CLCN5: variants seen among roughly 807,000 people sequenced by gnomAD.
The protein encoded by CLCN5 is Cl-/H+ antiporter 5.
CLCN5 carries 17 observed loss-of-function variants against 54.0 expected under a neutral mutation model. The observed-to-expected ratio is 0.31, with a 90% CI of 0.22 to 0.47. The LOEUF is 0.47. CLCN5 is among the 20% of genes least tolerant of loss of function. The pLI is 1.00. For synonymous variants in CLCN5, 222 were observed against 233.0 expected, an observed-to-expected ratio of 0.95 and a Z score of 0.43; for missense variants, 448 against 646.7, an observed-to-expected ratio of 0.69 and a Z score of 3.33.
chrX:50,072,042 G>T (rs1476720909), intron 5 of CLCN5, among the ~76,000 whole-genome samples: 1 of 111,555 alleles, frequency 9.0e-6, no homozygotes, highest in Non-Finnish European at 1.9e-5. Context: ...ATGAAGTCTG[G>T]GAATTTGCCT....
intron 12 of CLCN5, among the ~76,000 whole-genome samples, chrX:50,089,610 A>G (rs1205685919): frequency 8.9e-6 from 1 of 112,418 alleles, no homozygotes; most frequent in African/African-American, 3.2e-5. Context: ...CTTGGACTGG[A>G]CATGGTAGCT....
chrX:49,943,586 G>A (rs1926512487), intron 3 of CLCN5, among the ~76,000 whole-genome samples: 1 of 108,108 alleles, frequency 9.3e-6, no homozygotes. Context: ...TGTATAAGGT[G>A]TAAGGAAGGG....
Position 49,932,375 on chromosome X carries a change from C to A in CLCN5, c.16+7061C>A, listed in dbSNP as rs12010584. Among the ~76,000 whole-genome samples, 600 of 112,657 alleles carry A rather than the reference C, an allele frequency of 5.3e-3. 6 individuals are homozygous for A. Among genetic ancestry groups the A allele is most frequent in the African/African-American group, 0.018 (567 of 31,044 alleles). On this transcript the variant is annotated intron_variant, in intron 3 of 14. Transcript: ENST00000376091. ...GATGATGGGATACAGTTACTTTTAT[C>A]TTCCTTTTTTTATACTTTTATTTAC...
intron 4 of CLCN5, among the ~76,000 whole-genome samples, chrX:50,043,572 T>C (rs905422373): frequency 2.7e-5 from 3 of 111,852 alleles, no homozygotes; most frequent in African/African-American, 9.7e-5. Flanking sequence ...CCGTTTCAGT[T>C]TCTTTCTCTG....
At chrX:50,077,617 AGAGAGTGTGTGT>A (rs1245863729) in intron 7 of CLCN5, among the ~76,000 whole-genome samples, 1 of 91,403 alleles carries the variant, frequency 1.1e-5, no homozygotes, top group African/African-American at 4.7e-5. Context: ...AGAGAGAGAG[AGAGAGTGTGTGT>A]GTGTGTGTGT....
At chrX:50,037,553 A>G (rs1457053713) in intron 3 of CLCN5, among the ~76,000 whole-genome samples, 2 of 111,765 alleles carry the variant, frequency 1.8e-5, no homozygotes, top group East Asian at 2.8e-4. Context: ...AGGAATCTAC[A>G]TGGAGTAGTA....
chrX:49,935,047 C>G (rs1407786490), intron 3 of CLCN5, among the ~76,000 whole-genome samples: 2 of 111,781 alleles, frequency 1.8e-5, no homozygotes, highest in Non-Finnish European at 3.8e-5. Context: ...TCCAAATTCT[C>G]AACTCTGTCA....
chrX:49,949,086 A>G (rs782781556), intron 3 of CLCN5, among the ~76,000 whole-genome samples: 12 of 112,436 alleles, frequency 1.1e-4, no homozygotes, highest in African/African-American at 3.9e-4. Flanking sequence ...CAGTCTCTGT[A>G]AAAGCTTAAT....
At chrX:49,927,210 GT>G (rs1489506506) in intron 3 of CLCN5, among the ~76,000 whole-genome samples, 3 of 111,817 alleles carry the variant, frequency 2.7e-5, no homozygotes, top group Non-Finnish European at 3.8e-5. Context: ...TTTCTCTGTA[GT>G]TAATGGAAAT....
intron 3 of CLCN5, among the ~76,000 whole-genome samples, chrX:49,988,529 C>G (rs999571351): frequency 9.0e-6 from 1 of 111,110 alleles, no homozygotes; most frequent in African/African-American, 3.3e-5. Flanking sequence ...TTACCTCCCC[C>G]GGCTCTCTAT....
rs1169963118 is a variant in CLCN5 at position 50,098,180 on chromosome X, A to G, written c.*5961A>G. 8.9e-6 allele frequency: 1 copy of G among 112,173 alleles called. No individual in the cohort carries two copies. The highest frequency in any genetic ancestry group is 1.9e-5 in the Non-Finnish European group (1 of 53,194). The allele number at this position is 112,173 out of a possible 1,213,427, so 9.2% of individuals were successfully genotyped here. On this transcript the variant is annotated 3_prime_UTR_variant, in exon 15 of 15. Coordinates refer to ENST00000376091, the MANE Select transcript of CLCN5 (RefSeq NM_001127898.4). ...CCTTTGGGACTTTGTGATGATTAAG[A>G]ATTTATTCCATTCAGGATTTTAAAA...
At position 49,927,576 on chromosome X, in the gene CLCN5, G is replaced by C. The variant is rs149309024; in HGVS notation, c.16+2262G>C. The stretch of plus-strand genomic sequence containing the variant: ...TGTCACTTGGTAGCTACGAGGCCTT[G>C]GGCAAGTAACTTAATCTCTCTGTGT... On this transcript the variant is annotated intron_variant, in intron 3 of 14. Transcript: ENST00000376091. 1.7e-4 allele frequency among the ~76,000 whole-genome samples: 19 copies of C among 112,092 alleles called. No individual in the cohort carries two copies. The East Asian group carries it at 4.8e-3, about 28-fold the overall frequency.
At chrX:50,057,970 G>A (rs1247086707) in intron 4 of CLCN5, among the ~76,000 whole-genome samples, 1 of 111,092 alleles carries the variant, frequency 9.0e-6, no homozygotes, top group East Asian at 2.9e-4. Flanking sequence ...GAAGTAAGAA[G>A]TGGCATATAA....
intron 3 of CLCN5, among the ~76,000 whole-genome samples, chrX:49,982,542 AAAG>A (rs1557177796): frequency 4.5e-5 from 5 of 111,492 alleles, no homozygotes; most frequent in African/African-American, 1.6e-4. Context: ...GAGAGAGAAA[AAAG>A]AGGAGTATAC....
intron 3 of CLCN5, among the ~76,000 whole-genome samples, chrX:49,977,185 A>G (rs1557177034): frequency 9.0e-6 from 1 of 110,500 alleles, no homozygotes; most frequent in African/African-American, 3.3e-5. Context: ...GGGATTTTAG[A>G]GTGTATCTAT....
intron 3 of CLCN5, among the ~76,000 whole-genome samples, chrX:49,975,932 T>G (rs1336912135): frequency 8.9e-6 from 1 of 112,113 alleles, no homozygotes; most frequent in Non-Finnish European, 1.9e-5. Flanking sequence ...CAAAGAACCC[T>G]TGATAATGTC....
At chrX:50,029,232 A>C (rs1260168809) in intron 3 of CLCN5, among the ~76,000 whole-genome samples, 7 of 110,783 alleles carry the variant, frequency 6.3e-5, no homozygotes, top group Non-Finnish European at 1.3e-4. Flanking sequence ...TACATGTGTC[A>C]TGTTGGTGTG....
intron 3 of CLCN5, among the ~76,000 whole-genome samples, chrX:49,978,129 C>T (rs782498826): frequency 8.4e-4 from 94 of 111,632 alleles, no homozygotes; most frequent in South Asian, 1.5e-3. Flanking sequence ...CCAGCTCTAC[C>T]ACATTTACTA....
chrX:50,083,206 A>C (rs1401941459), intron 9 of CLCN5, among the ~76,000 whole-genome samples: 1 of 111,039 alleles, frequency 9.0e-6, no homozygotes, highest in Non-Finnish European at 1.9e-5. Flanking sequence ...AAAAAAAAAA[A>C]AATTAACCAC....
Sources: allele counts gnomAD v4.1 joint callset (sites outside exome capture counted in the v4.1 genomes callset), GRCh38; gene constraint gnomAD v4.1.1; transcripts MANE v1.5; gene names NCBI Gene and HGNC (gene_info 2026-07-23, HGNC 2026-07-21).